ARHGAP23: variants seen among roughly 807,000 people sequenced by gnomAD.
The protein encoded by ARHGAP23 is rho GTPase-activating protein 23.
ARHGAP23 carries 34 observed loss-of-function variants against 136.3 expected under a neutral mutation model. The observed-to-expected ratio is 0.25, with a 90% CI of 0.19 to 0.33. ARHGAP23 has a LOEUF of 0.33. Ranked by LOEUF, ARHGAP23 falls within the 10% of genes least tolerant of loss-of-function variation. The pLI, the probability that ARHGAP23 is intolerant of heterozygous loss-of-function variation, is 1.00. For missense variants in ARHGAP23, 1,808 were observed against 2,139.0 expected (o/e 0.85, Z 3.05); for synonymous variants, 832 against 920.5 (o/e 0.90, Z 1.74).
intron 12 of ARHGAP23, among the ~76,000 whole-genome samples, chr17:38,479,164 G>A (rs573370835): frequency 2.6e-5 from 4 of 152,324 alleles, no homozygotes; most frequent in East Asian, 3.9e-4. Context: ...ACGGTGGCGA[G>A]TGCTGCATGA....
At position 38,466,819 on chromosome 17, in the gene ARHGAP23, G is replaced by A. The variant is rs780836319; in HGVS notation, c.1136G>A (p.Gly379Asp). Residue 379 changes from glycine to aspartate, a missense_variant, in exon 7 of 24, where the codon GGC (glycine) becomes GAC (aspartate). By Grantham distance (94) the Gly-to-Asp change is moderately conservative (BLOSUM62 -1). Transcript: ENST00000622683. The part of the protein sequence containing the change: ...ALVSPRFERC[G>D]WASQRSSART... ...GTGTCACCCCGCTTTGAGCGGTGTG[G>A]CTGGGCTTCCCAGCGTTCGTCTGCC... The A allele has an allele frequency of 5.2e-6, 8 of 1,548,812 alleles. No homozygotes were observed. Among genetic ancestry groups the A allele is most frequent in the Non-Finnish European group, 6.1e-6 (7 of 1,146,540 alleles).
chr17:38,463,123 C>T lies in ARHGAP23; in HGVS notation c.355C>T (p.Arg119Trp), dbSNP rs1018952758. 25 of 1,551,162 alleles carry T rather than the reference C, an allele frequency of 1.6e-5. No individual in the cohort carries two copies. Among genetic ancestry groups the T allele is most frequent in the South Asian group, 4.8e-5 (4 of 84,002 alleles). ...AHRAGLRTGD[R>W]LVKVNGESVI... ...CATGCGCTCCTTGTCCCCAGGAGAC[C>T]GGCTGGTAAAGGTGAATGGGGAAAG... is the stretch of plus-strand genomic sequence containing the variant. The change falls in exon 5 of 24, where the codon CGG (arginine) becomes TGG (tryptophan). Residue 119 changes from arginine (R) to tryptophan (W), a missense_variant. By Grantham distance (101) the Arg-to-Trp change is moderately radical (BLOSUM62 -3). Coordinates refer to ENST00000622683, the MANE Select transcript of ARHGAP23 (RefSeq NM_001199417.2).
In ARHGAP23 at chr17:38,428,520, C is replaced by CGCCCCGCCCGGA; in HGVS notation, c.42_53dup (p.Glu16_Pro19dup). 6.9e-7 allele frequency: 1 copy of CGCCCCGCCCGGA among 1,455,282 alleles called. No individual in the cohort carries two copies. Among genetic ancestry groups the CGCCCCGCCCGGA allele is most frequent in the Non-Finnish European group, 9.0e-7 (1 of 1,107,356 alleles). 90.1% of individuals were successfully genotyped at this position (1,455,282 alleles called of 1,614,324 possible). A position where few individuals can be genotyped will look rare whatever the true frequency, so the allele number is the denominator to read the frequency against. ...GTCGCCTTCTGCCTGGTCGGGATCC[C>CGCCCCGCCCGGA]GCCCCGCCCGGAGCCCCGGCCCCCA... On this transcript the variant is annotated inframe_insertion, in exon 1 of 24. Transcript: ENST00000622683.
upstream of ARHGAP23, among the ~76,000 whole-genome samples, chr17:38,425,198 A>C: frequency 6.6e-6 from 1 of 151,740 alleles, no homozygotes; most frequent in African/African-American, 2.4e-5. Flanking sequence ...TTCCTTCCTC[A>C]TCCCTCCATG....
chr17:38,464,099 C>T (rs1209034351), intron 6 of ARHGAP23, among the ~76,000 whole-genome samples: 1 of 152,192 alleles, frequency 6.6e-6, no homozygotes, highest in African/African-American at 2.4e-5. Flanking sequence ...CGCACTATCA[C>T]AACATGTATG....
intron 17 of ARHGAP23, among the ~76,000 whole-genome samples, chr17:38,487,145 C>T (rs1047334363): frequency 1.3e-5 from 2 of 152,200 alleles, no homozygotes; most frequent in African/African-American, 4.8e-5. Context: ...CTGGTGTGAG[C>T]GGGCTCCAGC....
intron 20 of ARHGAP23, among the ~76,000 whole-genome samples, chr17:38,492,765 C>T (rs2040305161): frequency 6.6e-6 from 1 of 152,238 alleles, no homozygotes; most frequent in Admixed American, 6.5e-5. Context: ...CTGGGAACAC[C>T]ACTCCAGAGC....
intron 6 of ARHGAP23, among the ~76,000 whole-genome samples, chr17:38,464,020 C>T (rs1336002278): frequency 6.6e-6 from 1 of 152,150 alleles, no homozygotes; most frequent in Non-Finnish European, 1.5e-5. Context: ...TCACCAGCCC[C>T]TTGGCTCCCT....
In ARHGAP23 at chr17:38,510,779, G is replaced by C; in HGVS notation, c.4283G>C (p.Gly1428Ala). The C allele has an allele frequency of 6.7e-7, 1 of 1,499,718 alleles. No homozygotes were observed. The highest frequency in any genetic ancestry group is 8.9e-7 in the Non-Finnish European group (1 of 1,126,780). The allele number at this position is 1,499,718 out of a possible 1,614,324, so 92.9% of individuals were successfully genotyped here. A position where few individuals can be genotyped will look rare whatever the true frequency, so the allele number is the denominator to read the frequency against. ...AACGAGTGGAAGGAGCTGGGCGGAG[G>C]GGGCCCCCCGGAGCCTGCGGGCGCG... ...NFNEWKELGG[G>A]GPPEPAGARA... The change falls in exon 24 of 24, where the codon GGG becomes GCG. Residue 1428 changes from glycine (G) to alanine (A), a missense_variant. Gly to Ala is a moderately conservative substitution (Grantham distance 60, BLOSUM62 0). Around this residue, in one of 7 missense-constraint regions of ARHGAP23, gnomAD observed 506 missense variants for 455.8 expected, o/e 1.11. Coordinates refer to ENST00000622683, the MANE Select transcript of ARHGAP23 (RefSeq NM_001199417.2). This position sits in a 1 kb window ranked among gnomAD's most constrained non-coding sequence, Gnocchi z 4.6.
rs1173364271 is a variant in ARHGAP23, at chr17:38,462,939, C to A, written c.347C>A (p.Thr116Lys). ...DGPAHRAGLR[T>K]GDRLVKVNGE... Reference sequence around the variant, plus strand: ...CCTGCCCATAGGGCGGGGCTTCGCACAGGTGAGCTGGCCCAGTTACCTGGG... The same window carrying A: ...CCTGCCCATAGGGCGGGGCTTCGCAAAGGTGAGCTGGCCCAGTTACCTGGG... Residue 116 changes from threonine to lysine, a missense_variant and splice_region_variant, in exon 4 of 24, where the codon ACA becomes AAA. By Grantham distance (78) the Thr-to-Lys change is moderately conservative. Around this residue, in one of 7 missense-constraint regions of ARHGAP23, gnomAD observed 859 missense variants for 936.4 expected, o/e 0.92. Coordinates refer to ENST00000622683, the MANE Select transcript of ARHGAP23 (RefSeq NM_001199417.2). 6.5e-7 allele frequency: 1 copy of A among 1,543,252 alleles called. No homozygotes were observed. The highest frequency in any genetic ancestry group is 1.4e-5 in the African/African-American group (1 of 72,468).
chr17:38,498,261 A>C (rs1024114378), intron 21 of ARHGAP23, among the ~76,000 whole-genome samples, 153 bp from the exon 22 acceptor site: 1 of 152,156 alleles, frequency 6.6e-6, no homozygotes. Context: ...AATCATCCTC[A>C]AGAGCGCCCG....
intron 6 of ARHGAP23, 91 bp from the exon 7 acceptor site, chr17:38,466,076 C>A: frequency 8.6e-7 from 1 of 1,169,216 alleles, no homozygotes; most frequent in Non-Finnish European, 1.1e-6. Context: ...CTTCATTTCC[C>A]TCCTGGGCTC....
intron 20 of ARHGAP23, among the ~76,000 whole-genome samples, chr17:38,496,247 C>T (rs190100436): frequency 6.6e-4 from 101 of 152,214 alleles, no homozygotes; most frequent in African/African-American, 2.4e-3. Context: ...TTCCTTCCAC[C>T]ACATCTAAAA....
chr17:38,491,762 A>T, intron 20 of ARHGAP23: 1 of 596,902 alleles, frequency 1.7e-6, no homozygotes, highest in South Asian at 2.6e-5. Context: ...TGTCCCCAGC[A>T]GGAGAGTCAA....
At chr17:38,438,842 G>A (rs992142064) in intron 1 of ARHGAP23, among the ~76,000 whole-genome samples, 1 of 152,050 alleles carries the variant, frequency 6.6e-6, no homozygotes, top group African/African-American at 2.4e-5. Flanking sequence ...AATTAGCTGG[G>A]AGTGGTGGCA....
At chr17:38,452,833 TG>T in intron 1 of ARHGAP23, among the ~76,000 whole-genome samples, 1 of 152,358 alleles carries the variant, frequency 6.6e-6, no homozygotes. Flanking sequence ...GCTTCCCATC[TG>T]GCTCACATGC....
chr17:38,441,958 C>A (rs1208368420), intron 1 of ARHGAP23, among the ~76,000 whole-genome samples: 1 of 151,670 alleles, frequency 6.6e-6, no homozygotes, highest in African/African-American at 2.4e-5. Flanking sequence ...CCCCTTTCTC[C>A]CCCACTCCTT....
chr17:38,431,458 T>C (rs970578045), intron 1 of ARHGAP23, among the ~76,000 whole-genome samples: 1 of 152,168 alleles, frequency 6.6e-6, no homozygotes, highest in African/African-American at 2.4e-5. Flanking sequence ...GAGACATGAA[T>C]AGGGCCTGTG....
rs142028131 is a variant in ARHGAP23, at chr17:38,438,931, C to T, written c.63+10383C>T. Among the ~76,000 whole-genome samples the T allele has an allele frequency of 3.1e-3, 479 of 152,150 alleles. 1 individual carries two copies. The highest frequency in any genetic ancestry group is 5.3e-3 in the Non-Finnish European group (359 of 68,000). ...CCTGGGAGGCAGAGGTTGTGGTGAGCCTAGATTGCACCTTTGCACTCCAGC... is the reference window on the plus strand; with the variant it reads ...CCTGGGAGGCAGAGGTTGTGGTGAGTCTAGATTGCACCTTTGCACTCCAGC... On this transcript the variant is annotated intron_variant, in intron 1 of 23. Transcript: ENST00000622683.
Sources: gnomAD v4.1 joint callset for allele counts (sites outside exome capture counted in the v4.1 genomes callset) on GRCh38, gnomAD v4.1.1 for gene constraint, gnomAD v4.1.1 regional missense constraint, Gnocchi (gnomAD v3.1) non-coding constraint, MANE v1.5 for transcripts, NCBI Gene and HGNC (gene_info 2026-07-23, HGNC 2026-07-21) for gene names.